The following ZNF777 variants were observed in gnomAD, a reference collection of about 807,000 sequenced individuals.
ZNF777 encodes zinc finger protein 777.
Under a neutral mutation model 72.1 loss-of-function variants are expected in ZNF777, and 7 were observed. The ratio of observed to expected loss-of-function variants is 0.10; its 90% confidence interval spans 0.06 to 0.18. The LOEUF is 0.18. ZNF777 is among the 10% of genes least tolerant of loss of function. The pLI is 1.00. For synonymous variants in ZNF777, 545 were observed against 483.5 expected (o/e 1.13, Z -1.67); for missense variants, 828 against 1,128.6 (o/e 0.73, Z 3.82).
At chr7:149,445,929 G>C (rs955556948) in intron 4 of ZNF777, among the ~76,000 whole-genome samples, 1 of 152,098 alleles carries the variant, frequency 6.6e-6, no homozygotes, top group Non-Finnish European at 1.5e-5. Flanking sequence ...ATTAACTCTT[G>C]AGCCCCAAGC....
intron 1 of ZNF777, among the ~76,000 whole-genome samples, chr7:149,456,720 G>C (rs759083173): frequency 1.8e-4 from 28 of 152,158 alleles, no homozygotes; most frequent in African/African-American, 5.8e-4. Context: ...CAAAAGTGAG[G>C]ACATGACATT....
chr7:149,460,116 C>T lies in ZNF777; in HGVS notation c.-16+699G>A. 9.2e-6 allele frequency: 9 copies of T among 981,872 alleles called. No individual in the cohort carries two copies. The highest frequency in any genetic ancestry group is 1.1e-5 in the Non-Finnish European group (9 of 828,610). 60.8% of individuals were successfully genotyped at this position (981,872 alleles called of 1,614,324 possible). On this transcript the variant is annotated intron_variant, in intron 1 of 5. Coordinates refer to ENST00000247930, the MANE Select transcript of ZNF777 (RefSeq NM_015694.3). This position sits in a 1 kb window ranked among gnomAD's most constrained non-coding sequence, Gnocchi z 6.1. ...CGCGCGTCCGTGCGCGCGCGGGCCG[C>T]CCTCACAGGAGCCGGGGCCGCCTCG...
chr7:149,450,269 G>A (rs1349497982), intron 4 of ZNF777, among the ~76,000 whole-genome samples: 7 of 152,200 alleles, frequency 4.6e-5, no homozygotes, highest in African/African-American at 1.4e-4. Flanking sequence ...GTGAGCCACT[G>A]ACCCAGCTGC....
intron 4 of ZNF777, among the ~76,000 whole-genome samples, chr7:149,443,284 A>G (rs1405683578): frequency 6.6e-6 from 1 of 152,160 alleles, no homozygotes; most frequent in Non-Finnish European, 1.5e-5. Flanking sequence ...ACTTGCCAAT[A>G]CTTCTATATT....
In ZNF777 at chr7:149,436,690, C is replaced by G. The variant is rs1203303570; in HGVS notation, c.1224G>C (p.Gly408=). The change falls in exon 5 of 6, where the codon GGG becomes GGC. Residue 408 remains glycine (G), a synonymous_variant. Transcript: ENST00000247930. This position sits in a 1 kb window ranked among gnomAD's most constrained non-coding sequence, Gnocchi z 5.0. The stretch of plus-strand genomic sequence containing the variant: ...CCTGCATGTCCAGGTCTGGCTGTTC[C>G]CCACAGGGGTCACCCAGCTCTGAGT... ...FQDSELGDPC[G]EQPDLDMQEP... 2.5e-6 allele frequency: 4 copies of G among 1,614,160 alleles called. No homozygotes were observed. The highest frequency in any genetic ancestry group is 2.5e-6 in the Non-Finnish European group (3 of 1,180,040).
intron 4 of ZNF777, 64 bp downstream of exon 4, chr7:149,450,935 C>G: frequency 6.9e-7 from 1 of 1,448,342 alleles, no homozygotes; most frequent in South Asian, 1.2e-5. Context: ...CTGCCTCATG[C>G]TGGCGCTTCC....
Position 149,432,595 on chromosome 7 carries a change from G to A in ZNF777, c.1677C>T (p.Ile559=). 6.2e-7 allele frequency: 1 copy of A among 1,613,768 alleles called. No homozygotes were observed. The highest frequency in any genetic ancestry group is 1.1e-5 in the South Asian group (1 of 91,064). Residue 559 remains isoleucine, a synonymous_variant, in exon 6 of 6, where the codon ATC becomes ATT. Coordinates refer to ENST00000247930, the MANE Select transcript of ZNF777 (RefSeq NM_015694.3). Reference sequence around the variant, plus strand: ...GGTTGCGCTGGTGGATGATGAGGTTGATCTTCAGGCGGAAGCTCTTGCCGC... The same window carrying A: ...GGTTGCGCTGGTGGATGATGAGGTTAATCTTCAGGCGGAAGCTCTTGCCGC... ...MECGKSFRLK[I]NLIIHQRNHI... is the part of the protein sequence containing the mutation.
rs1188066115 is a variant in ZNF777, at chr7:149,455,026, G to A, written c.846+151C>T. ...CTAGCCTATACTCTCATCAACAGGA[G>A]AAATAATTTGATTTTGGCATGTCCT... On this transcript the variant is annotated intron_variant, in intron 2 of 5. Transcript: ENST00000247930. The surrounding 1 kb of genome is among the most constrained non-coding windows in gnomAD (Gnocchi z 4.2). 2 of 982,888 alleles carry A rather than the reference G, an allele frequency of 2.0e-6. No homozygotes were observed. The highest frequency in any genetic ancestry group is 4.6e-5 in the Admixed American group (2 of 43,502). The allele number at this position is 982,888 out of a possible 1,614,324, so 60.9% of individuals were successfully genotyped here. A position where few individuals can be genotyped will look rare whatever the true frequency, so the allele number is the denominator to read the frequency against.
At chr7:149,457,449 T>C (rs1585706143) in intron 1 of ZNF777, among the ~76,000 whole-genome samples, 1 of 152,190 alleles carries the variant, frequency 6.6e-6, no homozygotes, top group East Asian at 1.9e-4. Context: ...GTCTGACATA[T>C]AGTATGTGTT....
chr7:149,432,181 G>A lies in ZNF777; in HGVS notation c.2091C>T (p.Ser697=), dbSNP rs373721727. ...AGKHEVSFIC[S]LCGKSFSRPS... ...GGCGGCTGAAGCTCTTGCCGCACAGGCTGCAGATGAAGGAGACCTCATGCT... is the reference window on the plus strand; with the variant it reads ...GGCGGCTGAAGCTCTTGCCGCACAGACTGCAGATGAAGGAGACCTCATGCT... The change falls in exon 6 of 6, where the codon AGC becomes AGT. Residue 697 remains serine, a synonymous_variant. Transcript: ENST00000247930. 3.7e-6 allele frequency: 6 copies of A among 1,605,078 alleles called. No homozygotes were observed. In the African/African-American group the frequency reaches 6.7e-5, roughly 18 times the overall value.
At position 149,461,020 on chromosome 7, in the gene ZNF777, A is replaced by G. The variant is rs1230671388; in HGVS notation, c.-221T>C. On this transcript the variant is annotated 5_prime_UTR_variant, in exon 1 of 6. Transcript: ENST00000247930. The stretch of plus-strand genomic sequence containing the variant: ...TTTCAAAACCTGCGCTCACAAAGGG[A>G]TCTAAGAAACCCGTCACACCAGAGA... 1 of 152,288 alleles carries G rather than the reference A, an allele frequency of 6.6e-6. No individual in the cohort carries two copies. Among genetic ancestry groups the G allele is most frequent in the Non-Finnish European group, 1.5e-5 (1 of 68,090 alleles). 9.4% of individuals were successfully genotyped at this position (152,288 alleles called of 1,614,324 possible). A position where few individuals can be genotyped will look rare whatever the true frequency, so the allele number is the denominator to read the frequency against.
rs770572239 is a variant in ZNF777, at chr7:149,432,653, C to T, written c.1619G>A (p.Arg540Gln). 1 of 1,613,582 alleles carries T rather than the reference C, an allele frequency of 6.2e-7. No homozygotes were observed. Among genetic ancestry groups the T allele is most frequent in the East Asian group, 2.2e-5 (1 of 44,862 alleles). The change falls in exon 6 of 6, where the codon CGG becomes CAG. Residue 540 changes from arginine to glutamine, a missense_variant. Around this residue, in one of 12 missense-constraint regions of ZNF777, gnomAD observed 219 missense variants for 223.0 expected, o/e 0.98. Transcript: ENST00000247930. Reference sequence around the variant, plus strand: ...GCATGTGAAGGGCCGCTCGCCGCGCCGGTTCCGCTGCTGCTGGCTCGAGGC... The same window carrying T: ...GCATGTGAAGGGCCGCTCGCCGCGCTGGTTCCGCTGCTGCTGGCTCGAGGC... ...RGASSQQQRNRRGERPFTCME... is the reference protein window; with the variant it reads ...RGASSQQQRNQRGERPFTCME...
chr7:149,436,927 C>A lies in ZNF777; in HGVS notation c.1088-101G>T. 7.0e-7 allele frequency: 1 copy of A among 1,418,824 alleles called. No individual in the cohort carries two copies. The highest frequency in any genetic ancestry group is 9.6e-7 in the Non-Finnish European group (1 of 1,044,916). 87.9% of individuals were successfully genotyped at this position (1,418,824 alleles called of 1,614,324 possible). On this transcript the variant is annotated intron_variant, in intron 4 of 5. Coordinates refer to ENST00000247930, the MANE Select transcript of ZNF777 (RefSeq NM_015694.3). This position sits in a 1 kb window ranked among gnomAD's most constrained non-coding sequence, Gnocchi z 5.0. ...CCCTACAATTTACATCTCAATAAGT[C>A]TTATCTTAGAGACCCTGAAGAAATG...
In ZNF777 at chr7:149,436,509, G is replaced by C. The variant is rs948893691; in HGVS notation, c.1339+66C>G. 9 of 1,507,422 alleles carry C rather than the reference G, an allele frequency of 6.0e-6. No homozygotes were observed. Among genetic ancestry groups the C allele is most frequent in the African/African-American group, 1.4e-5 (1 of 72,318 alleles). 93.4% of individuals were successfully genotyped at this position (1,507,422 alleles called of 1,614,324 possible). On this transcript the variant is annotated intron_variant, in intron 5 of 5. Transcript: ENST00000247930. This position sits in a 1 kb window ranked among gnomAD's most constrained non-coding sequence, Gnocchi z 5.0. ...CTCTGAAGGAACCACAGCTTTCCCA[G>C]GGGGCAGGGGCCCTCTGGGAGGCCT...
chr7:149,454,606 C>T (rs1799784979), intron 2 of ZNF777, among the ~76,000 whole-genome samples: 1 of 152,168 alleles, frequency 6.6e-6, no homozygotes, highest in Admixed American at 6.5e-5. Context: ...TCTGTTTTCT[C>T]CCTACATATG....
chr7:149,454,140 C>T lies in ZNF777; in HGVS notation c.944G>A (p.Arg315Lys), dbSNP rs754182209. Residue 315 changes from arginine (R) to lysine (K), a missense_variant, in exon 3 of 6, where the codon AGG becomes AAG. Transcript: ENST00000247930. ...WQKELYKNVM[R>K]GNYESLVSMD... The stretch of plus-strand genomic sequence containing the variant: ...GGAAACCAGGGACTCGTAGTTGCCC[C>T]TCATCACGTTCTTGTAGAGCTCCTT... The T allele has an allele frequency of 4.3e-6, 7 of 1,614,238 alleles. No individual in the cohort carries two copies. In the South Asian group the frequency reaches 7.7e-5, roughly 18 times the overall value.
chr7:149,454,371 G>C (rs931891172), intron 2 of ZNF777, 134 bp from the exon 3 acceptor site: 59 of 1,130,426 alleles, frequency 5.2e-5, no homozygotes, highest in Non-Finnish European at 7.1e-5. Context: ...CCACTGTCCT[G>C]GCCCCAAAGA....
chr7:149,460,043 C>A lies in ZNF777; in HGVS notation c.-16+772G>T. 1.0e-6 allele frequency: 1 copy of A among 982,130 alleles called. No homozygotes were observed. Among genetic ancestry groups the A allele is most frequent in the Non-Finnish European group, 1.2e-6 (1 of 828,466 alleles). 60.8% of individuals were successfully genotyped at this position (982,130 alleles called of 1,614,324 possible). A position where few individuals can be genotyped will look rare whatever the true frequency, so the allele number is the denominator to read the frequency against. On this transcript the variant is annotated intron_variant, in intron 1 of 5. Transcript: ENST00000247930. The surrounding 1 kb of genome is among the most constrained non-coding windows in gnomAD (Gnocchi z 6.1). ...TCTGCCCCTTACCGAGATCCCAGGC[C>A]GGGCCGCCGAGCCCGGGACACGCAG...
chr7:149,458,143 C>G (rs760977449), intron 1 of ZNF777, among the ~76,000 whole-genome samples: 19 of 152,138 alleles, frequency 1.2e-4, no homozygotes, highest in Non-Finnish European at 2.4e-4. Flanking sequence ...GGTCAGGGAC[C>G]TCTTTGAAAA....
Sources: allele counts gnomAD v4.1 joint callset (sites outside exome capture counted in the v4.1 genomes callset), GRCh38; gene constraint gnomAD v4.1.1; regional missense constraint gnomAD v4.1.1; non-coding constraint Gnocchi (gnomAD v3.1); transcripts MANE v1.5; gene names NCBI Gene and HGNC (gene_info 2026-07-23, HGNC 2026-07-21).